The following MACROD2 variants were observed in gnomAD, a reference collection of about 807,000 sequenced individuals.
MACROD2 encodes mono-ADP ribosylhydrolase 2.
Under a neutral mutation model 70.4 loss-of-function variants are expected in MACROD2, and 36 were observed. The ratio of observed to expected loss-of-function variants is 0.51; its 90% confidence interval spans 0.39 to 0.68. The LOEUF (loss-of-function observed/expected upper bound fraction) is 0.68, where lower values mean the gene tolerates loss of function less well. Ranked by LOEUF, MACROD2 falls within the 30% of genes least tolerant of loss-of-function variation. MACROD2 has a pLI of 0.00. For synonymous variants in MACROD2, 172 were observed against 178.8 expected (o/e 0.96, Z 0.30); for missense variants, 496 against 538.4 (o/e 0.92, Z 0.78).
intron 8 of MACROD2, among the ~76,000 whole-genome samples, chr20:15,689,268 C>G (rs1360630876): frequency 1.3e-5 from 2 of 151,336 alleles, no homozygotes; most frequent in African/African-American, 4.9e-5. Context: ...ATTGCCACTA[C>G]AGTCTAGCCT....
At chr20:14,788,242 C>T (rs2072399239) in intron 5 of MACROD2, among the ~76,000 whole-genome samples, 1 of 151,998 alleles carries the variant, frequency 6.6e-6, no homozygotes. Flanking sequence ...GCTGCAGCCT[C>T]TGGGGATAAG....
In MACROD2 at chr20:14,046,374, C is replaced by T. The variant is rs185207602; in HGVS notation, c.164-39247C>T. On this transcript the variant is annotated intron_variant, in intron 2 of 17. Transcript: ENST00000684519. ...AGGATTTTGAAATAGATTTTTCAGA[C>T]AGCATCAGATTGATAAAAATCTGAC... Among the ~76,000 whole-genome samples the T allele has an allele frequency of 3.4e-3, 515 of 152,262 alleles. 12 individuals are homozygous for T. The highest frequency in any genetic ancestry group is 0.031 in the Admixed American group (467 of 15,292).
intron 5 of MACROD2, among the ~76,000 whole-genome samples, chr20:14,838,057 A>G (rs988991873): frequency 3.3e-5 from 5 of 152,200 alleles, no homozygotes; most frequent in Admixed American, 2.0e-4. Context: ...CATATGTAAA[A>G]CAAGGAGAAT....
At chr20:15,329,786 G>A (rs1265250177) in intron 6 of MACROD2, among the ~76,000 whole-genome samples, 3 of 151,832 alleles carry the variant, frequency 2.0e-5, no homozygotes, top group Non-Finnish European at 4.4e-5. Flanking sequence ...TTCTATCCCC[G>A]ACCTACTGAA....
At chr20:14,821,537 GGCTGAGAACACTCGCTCTCA>G (rs1468185642) in intron 5 of MACROD2, among the ~76,000 whole-genome samples, 1 of 152,000 alleles carries the variant, frequency 6.6e-6, no homozygotes. Context: ...GTGCAGTCAA[GGCTGAGAACACTCGCTCTCA>G]TCATGTGTAC....
intron 4 of MACROD2, among the ~76,000 whole-genome samples, chr20:14,557,330 T>A (rs1262115466): frequency 6.6e-6 from 1 of 151,912 alleles, no homozygotes; most frequent in East Asian, 1.9e-4. Context: ...TTAGATATGA[T>A]ACCAAAAGTA....
intron 8 of MACROD2, among the ~76,000 whole-genome samples, chr20:15,556,949 T>C (rs2048176293): frequency 6.6e-6 from 1 of 152,184 alleles, no homozygotes; most frequent in Non-Finnish European, 1.5e-5. Context: ...TTTGGGGCTT[T>C]TTCCATGAAT....
chr20:14,785,132 A>G (rs1414783995), intron 5 of MACROD2, among the ~76,000 whole-genome samples: 1 of 151,746 alleles, frequency 6.6e-6, no homozygotes, highest in African/African-American at 2.4e-5. Flanking sequence ...TCAGTCAGAA[A>G]ACTGTCTGTC....
chr20:15,471,457 AT>A (rs377203517), intron 7 of MACROD2, among the ~76,000 whole-genome samples: 2 of 152,058 alleles, frequency 1.3e-5, no homozygotes, highest in Non-Finnish European at 2.9e-5. Flanking sequence ...TGTTATTCTC[AT>A]TTTTTTCATA....
At chr20:15,626,823 C>A (rs1433161983) in intron 8 of MACROD2, among the ~76,000 whole-genome samples, 1 of 152,020 alleles carries the variant, frequency 6.6e-6, no homozygotes, top group Non-Finnish European at 1.5e-5. Flanking sequence ...CCACTGCACT[C>A]CAGCCTGGGC....
intron 3 of MACROD2, among the ~76,000 whole-genome samples, chr20:14,206,034 T>TA (rs1223821561): frequency 2.0e-5 from 3 of 152,230 alleles, no homozygotes; most frequent in African/African-American, 7.2e-5. Context: ...GTAATCTGTG[T>TA]AATGTGTAGC....
chr20:14,869,907 C>T (rs1256548912), intron 5 of MACROD2, among the ~76,000 whole-genome samples: 2 of 152,118 alleles, frequency 1.3e-5, no homozygotes, highest in Non-Finnish European at 2.9e-5. Context: ...AGTAACTGCA[C>T]CATACAACCA....
At chr20:15,186,246 G>C (rs1215649249) in intron 5 of MACROD2, among the ~76,000 whole-genome samples, 20 of 152,028 alleles carry the variant, frequency 1.3e-4, no homozygotes, top group Admixed American at 1.3e-3. Flanking sequence ...TGTTCCACTT[G>C]TTCTTTCTCT....
intron 5 of MACROD2, among the ~76,000 whole-genome samples, chr20:14,939,531 C>A (rs527928369): frequency 6.6e-6 from 1 of 152,146 alleles, no homozygotes; most frequent in East Asian, 1.9e-4. Flanking sequence ...TGTGATGCTT[C>A]CAGCATTGTT....
intron 5 of MACROD2, among the ~76,000 whole-genome samples, chr20:15,153,799 G>A (rs2076288068): frequency 6.6e-6 from 1 of 152,142 alleles, no homozygotes; most frequent in South Asian, 2.1e-4. Context: ...TGGGGCATTG[G>A]TCACATCTTG....
chr20:14,073,654 G>T (rs1045031276), intron 2 of MACROD2, among the ~76,000 whole-genome samples: 12 of 152,136 alleles, frequency 7.9e-5, no homozygotes, highest in African/African-American at 2.9e-4. Flanking sequence ...TGATAGGTAA[G>T]CTATACAGGA....
intron 2 of MACROD2, among the ~76,000 whole-genome samples, chr20:14,085,036 G>A (rs2054059306): frequency 1.5e-5 from 2 of 136,084 alleles, no homozygotes; most frequent in South Asian, 5.3e-4. Flanking sequence ...GGGGGTGGGG[G>A]GGTGGTGGGG....
intron 5 of MACROD2, among the ~76,000 whole-genome samples, chr20:15,190,438 T>C (rs2076563039): frequency 6.6e-6 from 1 of 152,198 alleles, no homozygotes; most frequent in South Asian, 2.1e-4. Context: ...CTTCCTCCTC[T>C]GTAGAATTAC....
intron 2 of MACROD2, among the ~76,000 whole-genome samples, chr20:14,003,171 G>T (rs1221006435): frequency 1.3e-5 from 2 of 152,180 alleles, no homozygotes; most frequent in Non-Finnish European, 2.9e-5. Context: ...AATTTCAAAG[G>T]TTGTGGTCTT....
Sources: allele counts gnomAD v4.1 joint callset (sites outside exome capture counted in the v4.1 genomes callset), GRCh38; gene constraint gnomAD v4.1.1; transcripts MANE v1.5; gene names NCBI Gene and HGNC (gene_info 2026-07-23, HGNC 2026-07-21).